The following DLGAP2 variants were observed in gnomAD, a reference collection of about 807,000 sequenced individuals.
DLGAP2 encodes disks large-associated protein 2.
Under a neutral mutation model 100.3 loss-of-function variants are expected in DLGAP2, and 26 were observed. The ratio of observed to expected loss-of-function variants is 0.26; its 90% CI spans 0.19 to 0.36. The LOEUF (loss-of-function observed/expected upper bound fraction) is 0.36, where lower values mean the gene tolerates loss of function less well. Ranked by LOEUF, DLGAP2 falls within the 10% of genes least tolerant of loss-of-function variation. The pLI, the probability that DLGAP2 is intolerant of heterozygous loss-of-function variation, is 1.00. For missense variants in DLGAP2, 1,858 were observed against 1,453.2 expected, an observed-to-expected ratio of 1.28 and a Z score of -4.53; for synonymous variants, 886 against 630.1, an observed-to-expected ratio of 1.41 and a Z score of -6.08.
intron 1 of DLGAP2, among the ~76,000 whole-genome samples, chr8:822,769 G>A (rs1479254468): frequency 6.6e-6 from 1 of 152,168 alleles, no homozygotes; most frequent in African/African-American, 2.4e-5. Flanking sequence ...TGGTGAGATG[G>A]GACACAGCCT....
intron 12 of DLGAP2, chr8:1,678,930 T>G (rs1305794477): frequency 6.0e-6 from 2 of 331,010 alleles, no homozygotes; most frequent in Non-Finnish European, 1.1e-5. Context: ...ACTTAGCAGT[T>G]CTCTTGAATT....
intron 1 of DLGAP2, among the ~76,000 whole-genome samples, chr8:797,494 A>G (rs1432650398): frequency 1.3e-5 from 2 of 152,208 alleles, no homozygotes; most frequent in Non-Finnish European, 2.9e-5. Flanking sequence ...GCTGTTGTGA[A>G]TGAGGCTGCT....
chr8:1,090,181 C>T lies in DLGAP2; in HGVS notation c.74-168670C>T, dbSNP rs182516262. Among the ~76,000 whole-genome samples, 370 of 146,700 alleles carry T rather than the reference C, an allele frequency of 2.5e-3. 2 individuals carry two copies. Among genetic ancestry groups the T allele is most frequent in the African/African-American group, 8.7e-3 (346 of 39,674 alleles). On this transcript the variant is annotated intron_variant, in intron 2 of 14. Coordinates refer to ENST00000637795, the MANE Select transcript of DLGAP2 (RefSeq NM_001346810.2). ...GGCCAGACAGGGGTGGAAACTCATA[C>T]CCCGAGGACCTGCTGCCTGTCTGCG...
At chr8:857,423 G>A (rs774782139) in intron 1 of DLGAP2, among the ~76,000 whole-genome samples, 1 of 152,150 alleles carries the variant, frequency 6.6e-6, no homozygotes, top group Non-Finnish European at 1.5e-5. Context: ...GAAAATATTT[G>A]CAAAACACAC....
chr8:1,452,884 G>A (rs758441328), intron 3 of DLGAP2, among the ~76,000 whole-genome samples: 3 of 152,172 alleles, frequency 2.0e-5, no homozygotes, highest in Admixed American at 1.3e-4. Flanking sequence ...TTTGTAAAAG[G>A]GGGGTGGCCA....
rs557103695 is a variant in DLGAP2, at chr8:1,026,904, C to T, written c.73+118938C>T. On this transcript the variant is annotated intron_variant, in intron 2 of 14. Transcript: ENST00000637795. ...TGATCTTTGAAGTTCTAAAGGTTATCGCTAAACATTGGGAATATGTATCTT... is the reference window on the plus strand; with the variant it reads ...TGATCTTTGAAGTTCTAAAGGTTATTGCTAAACATTGGGAATATGTATCTT... Among the ~76,000 whole-genome samples the T allele has an allele frequency of 2.6e-5, 4 of 152,282 alleles. No individual in the cohort carries two copies. In the South Asian group the frequency reaches 6.2e-4, roughly 24 times the overall value.
chr8:1,229,662 T>A (rs1382277980), intron 2 of DLGAP2, among the ~76,000 whole-genome samples: 1 of 152,232 alleles, frequency 6.6e-6, no homozygotes, highest in Non-Finnish European at 1.5e-5. Context: ...ATCAACAAGT[T>A]AATTCACCAC....
At chr8:763,517 C>A (rs1452563637) in intron 1 of DLGAP2, among the ~76,000 whole-genome samples, 1 of 152,196 alleles carries the variant, frequency 6.6e-6, no homozygotes, top group Non-Finnish European at 1.5e-5. Flanking sequence ...CTTCTAAGAC[C>A]ATTCCTCATA....
chr8:1,605,766 C>A (rs1382475152), intron 6 of DLGAP2, among the ~76,000 whole-genome samples: 3 of 152,204 alleles, frequency 2.0e-5, no homozygotes, highest in Non-Finnish European at 2.9e-5. Context: ...GCTCCCCACT[C>A]TGGAAGTAAA....
At chr8:1,389,796 C>T (rs936306722) in intron 3 of DLGAP2, among the ~76,000 whole-genome samples, 4 of 152,046 alleles carry the variant, frequency 2.6e-5, no homozygotes, top group African/African-American at 9.7e-5. Flanking sequence ...AGACCCAGAG[C>T]GAGCCTTCCC....
At chr8:1,289,427 CCTGT>C (rs1240233108) in intron 3 of DLGAP2, among the ~76,000 whole-genome samples, 5 of 152,146 alleles carry the variant, frequency 3.3e-5, no homozygotes, top group African/African-American at 4.8e-5. Flanking sequence ...ACACACATGC[CCTGT>C]CTATTTTGCG....
rs866426994 is a variant in DLGAP2, at chr8:973,215, T to G, written c.73+65249T>G. Among the ~76,000 whole-genome samples, 55 of 148,620 alleles carry G rather than the reference T, an allele frequency of 3.7e-4. 1 individual carries two copies. The highest frequency in any genetic ancestry group is 6.5e-4 in the African/African-American group (26 of 39,924). On this transcript the variant is annotated intron_variant, in intron 2 of 14. Transcript: ENST00000637795. ...CGGCCGGGCAGAGGCGACCCCCACCTCCCTCCCAGACGGGGCGGCTGGCCG... is the reference window on the plus strand; with the variant it reads ...CGGCCGGGCAGAGGCGACCCCCACCGCCCTCCCAGACGGGGCGGCTGGCCG...
At chr8:967,299 C>T (rs1584932075) in intron 2 of DLGAP2, among the ~76,000 whole-genome samples, 1 of 152,234 alleles carries the variant, frequency 6.6e-6, no homozygotes, top group Non-Finnish European at 1.5e-5. Context: ...ATGAGCCCAG[C>T]TTAAGCGCAT....
At chr8:775,650 A>C (rs1821495750) in intron 1 of DLGAP2, among the ~76,000 whole-genome samples, 1 of 73,334 alleles carries the variant, frequency 1.4e-5, no homozygotes, top group Non-Finnish European at 2.8e-5. Context: ...GCTGGATTAC[A>C]TTTATTGATT....
At chr8:766,438 T>C (rs544916277) in intron 1 of DLGAP2, among the ~76,000 whole-genome samples, 1 of 152,324 alleles carries the variant, frequency 6.6e-6, no homozygotes, top group South Asian at 2.1e-4. Flanking sequence ...GTCACATAAA[T>C]CTTTCTAATG....
intron 3 of DLGAP2, among the ~76,000 whole-genome samples, chr8:1,351,523 G>C (rs1161562156): frequency 1.5e-5 from 1 of 66,830 alleles, no homozygotes; most frequent in African/African-American, 4.3e-5. Flanking sequence ...ACTGTGTGTG[G>C]AAAGGCCGTG....
At chr8:1,148,996 AATTG>A (rs1403328671) in intron 2 of DLGAP2, among the ~76,000 whole-genome samples, 1 of 152,182 alleles carries the variant, frequency 6.6e-6, no homozygotes, top group Non-Finnish European at 1.5e-5. Context: ...TTATGTGCTT[AATTG>A]ATCAGATTTA....
At chr8:892,159 C>G (rs768947048) in intron 1 of DLGAP2, among the ~76,000 whole-genome samples, 2 of 152,140 alleles carry the variant, frequency 1.3e-5, no homozygotes, top group East Asian at 1.9e-4. Flanking sequence ...TCATCAAAAA[C>G]TCGAGACGGA....
chr8:1,426,544 C>T (rs1797240511), intron 3 of DLGAP2, among the ~76,000 whole-genome samples: 2 of 152,180 alleles, frequency 1.3e-5, no homozygotes, highest in South Asian at 4.1e-4. Context: ...AGGATAACAT[C>T]ACCCATCCAG....
Sources: allele counts gnomAD v4.1 joint callset (sites outside exome capture counted in the v4.1 genomes callset), GRCh38; gene constraint gnomAD v4.1.1; transcripts MANE v1.5; gene names NCBI Gene and HGNC (gene_info 2026-07-23, HGNC 2026-07-21).